Variants in ZNF536 observed in about 807,000 individuals in gnomAD.
The protein encoded by ZNF536 is zinc finger protein 536.
Under a neutral mutation model 84.5 loss-of-function variants are expected in ZNF536, and 13 were observed. The ratio of observed to expected loss-of-function variants is 0.15; its 90% CI spans 0.10 to 0.24. ZNF536 has a LOEUF of 0.24. Among genes scored for constraint, ZNF536 ranks in the 10% least tolerant of loss-of-function variants. The pLI is 1.00. For missense variants in ZNF536, 1,536 were observed against 1,747.5 expected (o/e 0.88, Z 2.16); for synonymous variants, 811 against 742.5 (o/e 1.09, Z -1.50).
At chr19:30,708,805 G>A (rs2052349294) in intron 1 of ZNF536, among the ~76,000 whole-genome samples, 1 of 152,200 alleles carries the variant, frequency 6.6e-6, no homozygotes, top group Non-Finnish European at 1.5e-5. Flanking sequence ...CGTTGCATTG[G>A]ATTCCTGTTT....
At chr19:30,361,169 C>CA (rs1272132923) in intron 3 of ZNF536, among the ~76,000 whole-genome samples, 2 of 151,440 alleles carry the variant, frequency 1.3e-5, no homozygotes, top group African/African-American at 4.8e-5. Context: ...AAGATGAAAC[C>CA]AAAAAAAAAG....
At chr19:30,289,333 T>A (rs938331043) in intron 2 of ZNF536, among the ~76,000 whole-genome samples, 3 of 152,250 alleles carry the variant, frequency 2.0e-5, no homozygotes, top group African/African-American at 4.8e-5. Context: ...ATAAATTACA[T>A]GTGTAATTGT....
chr19:30,363,411 C>T (rs2048335314), intron 3 of ZNF536, among the ~76,000 whole-genome samples: 1 of 152,140 alleles, frequency 6.6e-6, no homozygotes, highest in East Asian at 1.9e-4. Context: ...AAACTGACAA[C>T]TGAGCCTAAA....
chr19:30,324,111 C>T (rs1041895472), intron 2 of ZNF536, among the ~76,000 whole-genome samples: 4 of 152,020 alleles, frequency 2.6e-5, no homozygotes, highest in Admixed American at 2.6e-4. Flanking sequence ...CATCCATCAT[C>T]ATCCATCTGT....
chr19:30,242,860 G>C (rs1476484016), intron 1 of ZNF536, among the ~76,000 whole-genome samples: 1 of 152,028 alleles, frequency 6.6e-6, no homozygotes, highest in Non-Finnish European at 1.5e-5. Flanking sequence ...GTTTTTTGGT[G>C]GAAAATGAAA....
chr19:30,340,299 A>G (rs1360451313), intron 2 of ZNF536, among the ~76,000 whole-genome samples: 1 of 152,150 alleles, frequency 6.6e-6, no homozygotes, highest in Non-Finnish European at 1.5e-5. Context: ...AGGTGGTTTC[A>G]GGGGACAAGA....
chr19:30,403,277 T>C (rs2050129787), intron 1 of ZNF536, among the ~76,000 whole-genome samples: 1 of 152,138 alleles, frequency 6.6e-6, no homozygotes, highest in African/African-American at 2.4e-5. Context: ...TTACAATATT[T>C]TTTATAAGTT....
chr19:30,272,112 T>A (rs1482465485), intron 1 of ZNF536, among the ~76,000 whole-genome samples: 1 of 152,192 alleles, frequency 6.6e-6, no homozygotes, highest in Non-Finnish European at 1.5e-5. Flanking sequence ...GATTTCCTGA[T>A]TTGCAGAAGT....
intron 1 of ZNF536, among the ~76,000 whole-genome samples, chr19:30,397,194 C>T (rs572127102): frequency 2.4e-4 from 37 of 152,152 alleles, no homozygotes; most frequent in Non-Finnish European, 5.0e-4. Flanking sequence ...TCTCATGATT[C>T]GTTAACAGAT....
chr19:30,336,801 T>G (rs2047397813), intron 2 of ZNF536, among the ~76,000 whole-genome samples: 1 of 152,064 alleles, frequency 6.6e-6, no homozygotes, highest in South Asian at 2.1e-4. Flanking sequence ...AAGGTGGTGG[T>G]TTTTTCATAT....
chr19:30,639,814 G>A (rs2049198725), intron 1 of ZNF536, among the ~76,000 whole-genome samples: 1 of 152,186 alleles, frequency 6.6e-6, no homozygotes, highest in Admixed American at 6.5e-5. Context: ...GCTGCCATTT[G>A]TAAGTTCACA....
intron 1 of ZNF536, among the ~76,000 whole-genome samples, chr19:30,619,794 C>T (rs1363308601): frequency 6.6e-6 from 1 of 152,174 alleles, no homozygotes; most frequent in Non-Finnish European, 1.5e-5. Flanking sequence ...GTTTGCTTTG[C>T]TAATTAGTAC....
At chr19:30,372,828 C>T (rs949495315) in intron 1 of ZNF536, among the ~76,000 whole-genome samples, 7 of 71,034 alleles carry the variant, frequency 9.9e-5, no homozygotes, top group African/African-American at 1.6e-4. Flanking sequence ...CTCCATCACC[C>T]GCCCCCCCCA....
chr19:30,580,710 T>G (rs1568572855), intron 1 of ZNF536, among the ~76,000 whole-genome samples: 1 of 152,154 alleles, frequency 6.6e-6, no homozygotes, highest in East Asian at 1.9e-4. Context: ...GCAGAAACAA[T>G]AGGGTCTCGA....
intron 1 of ZNF536, among the ~76,000 whole-genome samples, chr19:30,615,040 G>A (rs1425480916): frequency 1.5e-5 from 2 of 129,112 alleles, no homozygotes; most frequent in African/African-American, 3.0e-5. Flanking sequence ...TCCGCCTCCC[G>A]GGTTCACGCC....
intron 1 of ZNF536, among the ~76,000 whole-genome samples, chr19:30,688,426 A>C (rs2051282632): frequency 6.6e-6 from 1 of 152,210 alleles, no homozygotes; most frequent in Admixed American, 6.5e-5. Context: ...TTAGGGCTTA[A>C]GATGCACTTT....
intron 1 of ZNF536, among the ~76,000 whole-genome samples, chr19:30,420,339 G>A (rs770598076): frequency 6.6e-6 from 1 of 152,122 alleles, no homozygotes; most frequent in Non-Finnish European, 1.5e-5. Flanking sequence ...CTTATACCCC[G>A]ATCCGCAGTG....
intron 1 of ZNF536, among the ~76,000 whole-genome samples, chr19:30,570,282 G>A (rs532921235): frequency 9.9e-5 from 15 of 152,238 alleles, no homozygotes; most frequent in African/African-American, 2.9e-4. Context: ...GACCTCAGGC[G>A]TTGATGAAAA....
At chr19:30,558,758 C>A (rs539372120), downstream of ZNF536, among the ~76,000 whole-genome samples, 7 of 152,248 alleles carry the variant, frequency 4.6e-5, no homozygotes, top group South Asian at 1.5e-3. Context: ...TTCCAAGCTT[C>A]TTTGCTTGGA....
Sources: gnomAD v4.1 joint callset for allele counts (sites outside exome capture counted in the v4.1 genomes callset) on GRCh38, gnomAD v4.1.1 for gene constraint, MANE v1.5 for transcripts, NCBI Gene and HGNC (gene_info 2026-07-23, HGNC 2026-07-21) for gene names.